TMEM70: variants seen among roughly 807,000 people sequenced by gnomAD.
TMEM70 encodes the protein transmembrane protein 70, mitochondrial.
Under a neutral mutation model 20.5 loss-of-function variants are expected in TMEM70, and 15 were observed. The observed-to-expected ratio is 0.73, with a 90% CI of 0.49 to 1.13. The LOEUF is 1.13. Ranked by LOEUF, TMEM70 falls within the 50% of genes most tolerant of loss-of-function variation. TMEM70 has a pLI of 0.00. For missense variants in TMEM70, 344 were observed against 331.7 expected (o/e 1.04, Z -0.29); for synonymous variants, 141 against 134.2 (o/e 1.05, Z -0.35).
Position 73,981,523 on chromosome 8 carries a change from C to T in TMEM70, c.685C>T (p.Arg229Cys), listed in dbSNP as rs367792607. The T allele has an allele frequency of 6.2e-6, 10 of 1,613,700 alleles. No individual in the cohort carries two copies. The East Asian group carries it at 6.7e-5, about 11-fold the overall frequency. Residue 229 changes from arginine (R) to cysteine (C), a missense_variant, in exon 3 of 3, where the codon CGT becomes TGT. Arg to Cys is a radical substitution (Grantham distance 180). Coordinates refer to ENST00000312184, the MANE Select transcript of TMEM70 (RefSeq NM_017866.6). Reference sequence around the variant, plus strand: ...AGTTAATCCAGTGCTCTTTCCAAACCGTGAAGACTATATCCATCTAATGGG... The same window carrying T: ...AGTTAATCCAGTGCTCTTTCCAAACTGTGAAGACTATATCCATCTAATGGG... ...LLVNPVLFPN[R>C]EDYIHLMGYD... is the part of the protein sequence containing the mutation.
intron 2 of TMEM70, among the ~76,000 whole-genome samples, chr8:73,979,413 A>T (rs979520508): frequency 5.3e-5 from 8 of 152,284 alleles, no homozygotes; most frequent in African/African-American, 1.7e-4. Flanking sequence ...TTTTCCAAAT[A>T]AACTTTATAA....
chr8:73,981,371 C>T lies in TMEM70; in HGVS notation c.533C>T (p.Thr178Ile). The change falls in exon 3 of 3, where the codon ACT becomes ATT. Residue 178 changes from threonine (T) to isoleucine (I), a missense_variant. Thr to Ile is a moderately conservative substitution (Grantham distance 89, BLOSUM62 -1). Coordinates refer to ENST00000312184, the MANE Select transcript of TMEM70 (RefSeq NM_017866.6). ...IRLYHEATTDTYKAITYNAML... is the reference protein window; with the variant it reads ...IRLYHEATTDIYKAITYNAML... ...TTGTACCATGAGGCCACAACAGACA[C>T]TTATAAAGCCATTACCTACAATGCT... is the stretch of plus-strand genomic sequence containing the variant. The T allele has an allele frequency of 1.9e-6, 3 of 1,614,182 alleles. No homozygotes were observed. Among genetic ancestry groups the T allele is most frequent in the South Asian group, 2.2e-5 (2 of 91,080 alleles).
chr8:73,978,329 C>T (rs1298297250), intron 1 of TMEM70, among the ~76,000 whole-genome samples: 24 of 150,316 alleles, frequency 1.6e-4, no homozygotes, highest in Admixed American at 4.6e-4. Context: ...TCAAGTGATC[C>T]GCCCCCCTCG....
At position 73,976,370 on chromosome 8, in the gene TMEM70, G is replaced by A; in HGVS notation, c.89G>A (p.Arg30Gln). Residue 30 changes from arginine to glutamine, a missense_variant, in exon 1 of 3, where the codon CGA (arginine) becomes CAA (glutamine). Transcript: ENST00000312184. ...RTALCAAAAL[R>Q]GPRASVSRAS... is the part of the protein sequence containing the mutation. ...GCATTGTGTGCGGCCGCCGCGCTCC[G>A]AGGTCCCCGGGCCTCTGTCTCCCGG... 4 of 1,597,458 alleles carry A rather than the reference G, an allele frequency of 2.5e-6. No homozygotes were observed. Among genetic ancestry groups the A allele is most frequent in the Non-Finnish European group, 3.4e-6 (4 of 1,178,858 alleles).
rs781306044 is a variant in TMEM70, at chr8:73,982,766, T to C, written c.*1145T>C. ...TATGGGTGTAGGAAAACCACTGTTA[T>C]TAAACAGGTGAAAAATACCTTGTGT... On this transcript the variant is annotated 3_prime_UTR_variant, in exon 3 of 3. Transcript: ENST00000312184. 3 of 451,910 alleles carry C rather than the reference T, an allele frequency of 6.6e-6. No homozygotes were observed. The highest frequency in any genetic ancestry group is 3.1e-5 in the South Asian group (2 of 64,116). 28.0% of individuals were successfully genotyped at this position (451,910 alleles called of 1,614,324 possible). A position where few individuals can be genotyped will look rare whatever the true frequency, so the allele number is the denominator to read the frequency against.
chr8:73,977,363 T>G (rs149223154), intron 1 of TMEM70, among the ~76,000 whole-genome samples: 2,273 of 151,950 alleles, frequency 0.015, 41 homozygotes, highest in African/African-American at 0.047. Context: ...TTTTTTTGTA[T>G]TTTTAGTAGA....
In TMEM70 at chr8:73,981,293, C is replaced by T. The variant is rs200820631; in HGVS notation, c.455C>T (p.Thr152Met). 208 of 1,614,042 alleles carry T rather than the reference C, an allele frequency of 1.3e-4. No individual in the cohort carries two copies. Among genetic ancestry groups the T allele is most frequent in the South Asian group, 2.3e-4 (21 of 91,090 alleles). Reference protein sequence around the residue: ...IIFYGIMGSFTVITPVLLHFI... With the variant: ...IIFYGIMGSFMVITPVLLHFI... ...TTCTATGGCATCATGGGAAGCTTTACGGTGATCACCCCAGTGCTGCTTCAC... is the reference window on the plus strand; with the variant it reads ...TTCTATGGCATCATGGGAAGCTTTATGGTGATCACCCCAGTGCTGCTTCAC... The change falls in exon 3 of 3, where the codon ACG becomes ATG. Residue 152 changes from threonine (T) to methionine (M), a missense_variant. Physicochemically the swap from Thr to Met is moderately conservative, Grantham distance 81. Coordinates refer to ENST00000312184, the MANE Select transcript of TMEM70 (RefSeq NM_017866.6).
At chr8:73,976,599 C>A in intron 1 of TMEM70, 108 bp downstream of exon 1, 2 of 1,177,456 alleles carry the variant, frequency 1.7e-6, no homozygotes, top group Non-Finnish European at 2.3e-6. Flanking sequence ...GTGTCCGTGG[C>A]TGGAGCGCGG....
Position 73,976,307 on chromosome 8 carries a change from C to G in TMEM70, c.26C>G (p.Pro9Arg), listed in dbSNP as rs1308890531. Residue 9 changes from proline (P) to arginine (R), a missense_variant, in exon 1 of 3, where the codon CCG becomes CGG. Physicochemically the swap from Pro to Arg is moderately radical, Grantham distance 103. Transcript: ENST00000312184. ...ATGCTGTTTCTGGCGTTGGGCAGCC[C>G]GTGGGCGGTCGAACTGCCTCTCTGC... MLFLALGSPWAVELPLCGR... is the reference protein window; with the variant it reads MLFLALGSRWAVELPLCGR... The G allele has an allele frequency of 6.2e-7, 1 of 1,600,862 alleles. No homozygotes were observed. Among genetic ancestry groups the G allele is most frequent in the South Asian group, 1.1e-5 (1 of 91,016 alleles).
At chr8:73,976,542 C>A in intron 1 of TMEM70, 51 bp downstream of exon 1, 1 of 1,453,566 alleles carries the variant, frequency 6.9e-7, no homozygotes, top group South Asian at 1.4e-5. Flanking sequence ...GGGCGGGCGT[C>A]GTGTCGGGCC....
chr8:73,982,444 T>G lies in TMEM70; in HGVS notation c.*823T>G. On this transcript the variant is annotated 3_prime_UTR_variant, in exon 3 of 3. Coordinates refer to ENST00000312184, the MANE Select transcript of TMEM70 (RefSeq NM_017866.6). The stretch of plus-strand genomic sequence containing the variant: ...CTTCCATCAGTATTGAGCCAGGAGT[T>G]GAGATGGAAGTCACCATTGCAAATG... 2.5e-6 allele frequency: 2 copies of G among 787,908 alleles called. No individual in the cohort carries two copies. The highest frequency in any genetic ancestry group is 2.2e-6 in the Non-Finnish European group (1 of 463,298). 48.8% of individuals were successfully genotyped at this position (787,908 alleles called of 1,614,324 possible).
chr8:73,978,836 T>C lies in TMEM70; in HGVS notation c.291T>C (p.Thr97=). ...DKSEDGRLIY[T]GNMARAVFGV... ...CAGAAGATGGAAGGCTAATTTATAC[T>C]GGCAATATGGCCCGAGCAGTGTTTG... The change falls in exon 2 of 3, where the codon ACT becomes ACC. Residue 97 remains threonine, a synonymous_variant. Coordinates refer to ENST00000312184, the MANE Select transcript of TMEM70 (RefSeq NM_017866.6). 6.2e-7 allele frequency: 1 copy of C among 1,614,196 alleles called. No individual in the cohort carries two copies. Among genetic ancestry groups the C allele is most frequent in the Non-Finnish European group, 8.5e-7 (1 of 1,180,008 alleles).
At position 73,982,071 on chromosome 8, in the gene TMEM70, G is replaced by T. The variant is rs775083766; in HGVS notation, c.*450G>T. 8 of 469,402 alleles carry T rather than the reference G, an allele frequency of 1.7e-5. No homozygotes were observed. Among genetic ancestry groups the T allele is most frequent in the South Asian group, 1.2e-4 (8 of 65,540 alleles). The allele number at this position is 469,402 out of a possible 1,614,324, so 29.1% of individuals were successfully genotyped here. On this transcript the variant is annotated 3_prime_UTR_variant, in exon 3 of 3. Coordinates refer to ENST00000312184, the MANE Select transcript of TMEM70 (RefSeq NM_017866.6). The stretch of plus-strand genomic sequence containing the variant: ...TGCTCCTGACTCACTGCTCTTTGCT[G>T]TTGCCTGAGGACCAAGTCTGTCAGG...
At position 73,979,008 on chromosome 8, in the gene TMEM70, T is replaced by C. The variant is rs138626092; in HGVS notation, c.316+147T>C. 8.5e-4 allele frequency: 847 copies of C among 994,096 alleles called. 4 individuals are homozygous for C. In the African/African-American group the frequency reaches 0.012, roughly 14 times the overall value. The allele number at this position is 994,096 out of a possible 1,614,324, so 61.6% of individuals were successfully genotyped here. On this transcript the variant is annotated intron_variant, in intron 2 of 2. Coordinates refer to ENST00000312184, the MANE Select transcript of TMEM70 (RefSeq NM_017866.6). ...ATTTTCATTTTTTTTTCTTGAGGTG[T>C]GTTGATAAGATGTAGAGACCTTTGC...
rs760235714 is a variant in TMEM70, at chr8:73,981,428, A to T, written c.590A>T (p.Gln197Leu). ...MLAETSTVFHQNDVKIPDAKH... is the reference protein window; with the variant it reads ...MLAETSTVFHLNDVKIPDAKH... Reference sequence around the variant, plus strand: ...GCAGAAACGAGTACAGTGTTTCACCAGAATGATGTGAAGATTCCAGATGCT... The same window carrying T: ...GCAGAAACGAGTACAGTGTTTCACCTGAATGATGTGAAGATTCCAGATGCT... The change falls in exon 3 of 3, where the codon CAG (glutamine) becomes CTG (leucine). Residue 197 changes from glutamine to leucine, a missense_variant. Coordinates refer to ENST00000312184, the MANE Select transcript of TMEM70 (RefSeq NM_017866.6). 4 of 1,614,224 alleles carry T rather than the reference A, an allele frequency of 2.5e-6. No homozygotes were observed.
intron 2 of TMEM70, 107 bp downstream of exon 2, chr8:73,978,968 C>G: frequency 7.5e-7 from 1 of 1,341,232 alleles, no homozygotes; most frequent in East Asian, 2.5e-5. Flanking sequence ...AATTACAAGA[C>G]GTAAGGAAAA....
At position 73,982,696 on chromosome 8, in the gene TMEM70, CTT is replaced by C; in HGVS notation, c.*1076_*1077del. On this transcript the variant is annotated 3_prime_UTR_variant, in exon 3 of 3. Coordinates refer to ENST00000312184, the MANE Select transcript of TMEM70 (RefSeq NM_017866.6). ...TGGTAAGTAGTGTTGTCTTCAGTAT[CTT>C]AATTTGTTTCTGCAACTGTGCACTC... 1 of 457,776 alleles carries C rather than the reference CTT, an allele frequency of 2.2e-6. No homozygotes were observed. The highest frequency in any genetic ancestry group is 4.4e-6 in the Non-Finnish European group (1 of 229,132). The allele number at this position is 457,776 out of a possible 1,614,324, so 28.4% of individuals were successfully genotyped here.
chr8:73,980,631 G>A (rs1165244800), intron 2 of TMEM70, among the ~76,000 whole-genome samples: 1 of 152,154 alleles, frequency 6.6e-6, no homozygotes, highest in East Asian at 1.9e-4. Context: ...GCCTCCCAAA[G>A]TGCTGGGATT....
rs2131238166 is a variant in TMEM70, at chr8:73,982,146, A to G, written c.*525A>G. 1 of 527,346 alleles carries G rather than the reference A, an allele frequency of 1.9e-6. No homozygotes were observed. 32.7% of individuals were successfully genotyped at this position (527,346 alleles called of 1,614,324 possible). ...AGCCATGGCTTTTAAACATACCAGAAAAACACCCGTGGAGTCAGAGGTGGC... is the reference window on the plus strand; with the variant it reads ...AGCCATGGCTTTTAAACATACCAGAGAAACACCCGTGGAGTCAGAGGTGGC... On this transcript the variant is annotated 3_prime_UTR_variant, in exon 3 of 3. Transcript: ENST00000312184.
Sources: allele counts gnomAD v4.1 joint callset (sites outside exome capture counted in the v4.1 genomes callset), GRCh38; gene constraint gnomAD v4.1.1; transcripts MANE v1.5; gene names NCBI Gene and HGNC (gene_info 2026-07-23, HGNC 2026-07-21).